GREM2: variants seen among roughly 807,000 people sequenced by gnomAD.
The protein encoded by GREM2 is gremlin-2.
A neutral mutation model predicts 14.2 loss-of-function variants in GREM2; 11 were observed. That is an observed-to-expected ratio of 0.78 (90% CI 0.49 to 1.28). The LOEUF is 1.28. GREM2 is among the 50% of genes most tolerant of loss of function. The pLI is 0.00. For synonymous variants in GREM2, 98 were observed against 97.6 expected (o/e 1.00, Z -0.02); for missense variants, 210 against 218.5 (o/e 0.96, Z 0.24).
chr1:240,551,353 G>A (rs969523728), intron 1 of GREM2, among the ~76,000 whole-genome samples: 3 of 151,808 alleles, frequency 2.0e-5, no homozygotes, highest in Admixed American at 1.3e-4. Flanking sequence ...TTTTTGTTTT[G>A]TTTTTATTTT....
chr1:240,522,131 A>AAC (rs1678115133), intron 1 of GREM2, among the ~76,000 whole-genome samples: 1 of 151,406 alleles, frequency 6.6e-6, no homozygotes, highest in African/African-American at 2.4e-5. Flanking sequence ...AAAAAAAAAA[A>AAC]AAAACAAAAA....
intron 1 of GREM2, among the ~76,000 whole-genome samples, chr1:240,538,673 G>A (rs574530283): frequency 7.9e-5 from 12 of 152,084 alleles, no homozygotes; most frequent in Admixed American, 6.6e-5. Flanking sequence ...AGCCAAGATC[G>A]TGCCACTCAC....
intron 1 of GREM2, among the ~76,000 whole-genome samples, chr1:240,520,652 C>T (rs562309627): frequency 1.3e-5 from 2 of 151,960 alleles, no homozygotes; most frequent in Non-Finnish European, 2.9e-5. Flanking sequence ...AAGCAATTCT[C>T]CTGCCTCAGC....
At chr1:240,546,329 G>T (rs6657445) in intron 1 of GREM2, among the ~76,000 whole-genome samples, 75,352 of 150,922 alleles carry the variant, frequency 0.5, 20,685 homozygotes, top group African/African-American at 0.74. Context: ...ACAGAGTAAG[G>T]GAGACTCAGT....
At chr1:240,502,856 G>T (rs12136933) in intron 1 of GREM2, among the ~76,000 whole-genome samples, 51,317 of 152,030 alleles carry the variant, frequency 0.34, 8,786 homozygotes, top group Admixed American at 0.38. Context: ...GAGTTGAAAG[G>T]TGGTTGGTCC....
At chr1:240,525,622 G>A (rs1165004587) in intron 1 of GREM2, among the ~76,000 whole-genome samples, 2 of 152,002 alleles carry the variant, frequency 1.3e-5, no homozygotes, top group East Asian at 3.9e-4. Flanking sequence ...GGGATTCCAG[G>A]TGTGCACCAC....
rs543283203 is a variant in GREM2, at chr1:240,492,769, C to G, written c.*200G>C. On this transcript the variant is annotated 3_prime_UTR_variant, in exon 2 of 2. Transcript: ENST00000318160. ...AGGGGGCACAGGTGGGACCCGGGGT[C>G]GGTCAGGAACACATCAGCAAAAGCT... 4.2e-5 allele frequency: 18 copies of G among 432,364 alleles called. No homozygotes were observed. In the East Asian group the frequency reaches 6.9e-4, roughly 17 times the overall value. The allele number at this position is 432,364 out of a possible 1,614,324, so 26.8% of individuals were successfully genotyped here.
intron 1 of GREM2, among the ~76,000 whole-genome samples, chr1:240,521,463 C>T (rs1241529633): frequency 1.3e-5 from 2 of 151,368 alleles, no homozygotes; most frequent in Non-Finnish European, 1.5e-5. Context: ...CCCAGCTACT[C>T]GAGAGGCTGA....
At chr1:240,584,107 GA>G (rs1460095151) in intron 1 of GREM2, among the ~76,000 whole-genome samples, 4 of 150,054 alleles carry the variant, frequency 2.7e-5, no homozygotes, top group African/African-American at 4.9e-5. Flanking sequence ...AATATTTGGA[GA>G]AAAAAAAAGA....
At chr1:240,522,779 A>C (rs1444985192) in intron 1 of GREM2, among the ~76,000 whole-genome samples, 1 of 152,212 alleles carries the variant, frequency 6.6e-6, no homozygotes, top group Non-Finnish European at 1.5e-5. Context: ...AGGAAAGAAC[A>C]CTTCATCTAT....
rs1480337882 is a variant in GREM2 at position 240,492,061 on chromosome 1, C to T, written c.*908G>A. On this transcript the variant is annotated 3_prime_UTR_variant, in exon 2 of 2. Transcript: ENST00000318160. ...TTCTGGGCCTGCTGTCATCCTTACT[C>T]CGAATGGTGCTGCAAGCCAGAGTCA... 1.0e-5 allele frequency: 2 copies of T among 199,706 alleles called. No individual in the cohort carries two copies. Among genetic ancestry groups the T allele is most frequent in the Admixed American group, 5.0e-5 (1 of 20,158 alleles). The allele number at this position is 199,706 out of a possible 1,614,324, so 12.4% of individuals were successfully genotyped here. A position where few individuals can be genotyped will look rare whatever the true frequency, so the allele number is the denominator to read the frequency against.
intron 1 of GREM2, among the ~76,000 whole-genome samples, chr1:240,529,381 T>C (rs929955651): frequency 1.3e-5 from 2 of 151,486 alleles, no homozygotes; most frequent in African/African-American, 4.9e-5. Flanking sequence ...TGAATGAACA[T>C]AGAGGATAAC....
intron 1 of GREM2, among the ~76,000 whole-genome samples, chr1:240,567,292 T>G (rs1418450743): frequency 6.6e-6 from 1 of 152,128 alleles, no homozygotes; most frequent in Non-Finnish European, 1.5e-5. Flanking sequence ...TAGCCTACTA[T>G]TTCCAAATTT....
intron 1 of GREM2, among the ~76,000 whole-genome samples, chr1:240,553,052 T>C (rs1043951260): frequency 6.6e-6 from 1 of 152,124 alleles, no homozygotes; most frequent in Non-Finnish European, 1.5e-5. Flanking sequence ...TATTGGAAAT[T>C]GTATATGGCA....
At chr1:240,497,931 T>TA (rs1677468122) in intron 1 of GREM2, among the ~76,000 whole-genome samples, 2 of 152,194 alleles carry the variant, frequency 1.3e-5, no homozygotes, top group Admixed American at 6.5e-5. Flanking sequence ...ACATTCTGAG[T>TA]AAACATAACC....
At chr1:240,525,663 G>A (rs1678204496) in intron 1 of GREM2, among the ~76,000 whole-genome samples, 1 of 152,090 alleles carries the variant, frequency 6.6e-6, no homozygotes, top group South Asian at 2.1e-4. Context: ...ATTTTCAGTA[G>A]AGATGGGGTT....
chr1:240,611,518 A>G (rs1189411001), intron 1 of GREM2, among the ~76,000 whole-genome samples: 1 of 152,166 alleles, frequency 6.6e-6, no homozygotes, highest in African/African-American at 2.4e-5. Flanking sequence ...CCGCTTTCTA[A>G]CAATTGGATG....
intron 1 of GREM2, among the ~76,000 whole-genome samples, chr1:240,494,814 T>G (rs924027731): frequency 6.6e-6 from 1 of 152,040 alleles, no homozygotes; most frequent in African/African-American, 2.4e-5. Flanking sequence ...GGCAGGAGAA[T>G]GGCGTGAACC....
intron 1 of GREM2, among the ~76,000 whole-genome samples, chr1:240,610,988 A>C (rs539535427): frequency 6.6e-6 from 1 of 152,070 alleles, no homozygotes; most frequent in Non-Finnish European, 1.5e-5. Context: ...AGGGGTGGGG[A>C]GTTATATAAC....
Sources: allele counts gnomAD v4.1 joint callset (sites outside exome capture counted in the v4.1 genomes callset), GRCh38; gene constraint gnomAD v4.1.1; transcripts MANE v1.5; gene names NCBI Gene and HGNC (gene_info 2026-07-23, HGNC 2026-07-21).